Variants in NKAIN2 observed in about 807,000 individuals in gnomAD.
NKAIN2 encodes sodium/potassium transporting ATPase interacting 2.
In NKAIN2, 14 loss-of-function variants were observed where a neutral mutation model predicts 32.6. The ratio of observed to expected loss-of-function variants is 0.43; its 90% CI spans 0.28 to 0.67. NKAIN2 has a LOEUF of 0.67. Ranked by LOEUF, NKAIN2 falls within the 30% of genes least tolerant of loss-of-function variation. NKAIN2 has a pLI of 0.17. For synonymous variants in NKAIN2, 80 were observed against 87.2 expected, an observed-to-expected ratio of 0.92 and a Z score of 0.46; for missense variants, 198 against 258.3, an observed-to-expected ratio of 0.77 and a Z score of 1.60.
intron 3 of NKAIN2, among the ~76,000 whole-genome samples, chr6:124,457,754 G>A (rs889245912): frequency 6.6e-6 from 1 of 151,890 alleles, no homozygotes; most frequent in Admixed American, 6.6e-5. Flanking sequence ...CATTCAAAGT[G>A]TTATTACTTC....
intron 2 of NKAIN2, among the ~76,000 whole-genome samples, chr6:124,328,729 C>T (rs962491358): frequency 2.6e-5 from 4 of 152,112 alleles, no homozygotes; most frequent in East Asian, 3.9e-4. Context: ...GGTAAGCAGG[C>T]GTTTGTACTC....
intron 1 of NKAIN2, among the ~76,000 whole-genome samples, chr6:124,078,236 T>C (rs1022037333): frequency 1.3e-5 from 2 of 152,206 alleles, no homozygotes; most frequent in Non-Finnish European, 2.9e-5. Context: ...ATGAATGGAC[T>C]ATTCTTTGTA....
intron 1 of NKAIN2, among the ~76,000 whole-genome samples, chr6:124,208,866 G>A (rs568652669): frequency 3.3e-5 from 5 of 151,302 alleles, no homozygotes; most frequent in Admixed American, 2.7e-4. Flanking sequence ...TATTTATGGG[G>A]TATATATGAT....
intron 2 of NKAIN2, among the ~76,000 whole-genome samples, chr6:124,341,891 G>A (rs1035406486): frequency 6.6e-6 from 1 of 152,136 alleles, no homozygotes; most frequent in Non-Finnish European, 1.5e-5. Context: ...TGGTCCTAAA[G>A]GAAATAAGTT....
chr6:124,385,194 A>G (rs1425477167), intron 3 of NKAIN2, among the ~76,000 whole-genome samples: 2 of 152,162 alleles, frequency 1.3e-5, no homozygotes, highest in African/African-American at 4.8e-5. Flanking sequence ...GCCAGCTATG[A>G]GGTATAAAAA....
intron 2 of NKAIN2, among the ~76,000 whole-genome samples, chr6:124,307,559 CAAT>C (rs1796556415): frequency 6.6e-6 from 1 of 152,050 alleles, no homozygotes; most frequent in Non-Finnish European, 1.5e-5. Flanking sequence ...AGCTTACAAT[CAAT>C]AACCATGTGT....
intron 1 of NKAIN2, among the ~76,000 whole-genome samples, chr6:124,219,387 C>T (rs1791681014): frequency 6.6e-6 from 1 of 151,358 alleles, no homozygotes; most frequent in African/African-American, 2.4e-5. Context: ...AAGTGATTCT[C>T]CTGCCTCAGC....
chr6:123,866,276 A>G (rs1050904932), intron 1 of NKAIN2, among the ~76,000 whole-genome samples: 2 of 152,076 alleles, frequency 1.3e-5, no homozygotes, highest in African/African-American at 2.4e-5. Context: ...CCTGTCTCCT[A>G]TCCTTGACAG....
chr6:123,911,813 A>ATGTGTATATATATATATATATG (rs1775216919), intron 1 of NKAIN2, among the ~76,000 whole-genome samples: 1 of 27,104 alleles, frequency 3.7e-5, no homozygotes. Flanking sequence ...ATATATATAT[A>ATGTGTATATATATATATATATG]CACACACACA....
intron 2 of NKAIN2, among the ~76,000 whole-genome samples, chr6:124,350,715 T>C (rs2115126575): frequency 6.6e-6 from 1 of 152,352 alleles, no homozygotes; most frequent in African/African-American, 2.4e-5. Flanking sequence ...AATGCAAGGA[T>C]ATGAAAGGAA....
chr6:124,331,804 C>T (rs1234656947), intron 2 of NKAIN2, among the ~76,000 whole-genome samples: 3 of 152,008 alleles, frequency 2.0e-5, no homozygotes, highest in Non-Finnish European at 4.4e-5. Flanking sequence ...ATTCTAAATA[C>T]CTGTGCATAG....
chr6:123,980,613 C>G (rs1018603590), intron 1 of NKAIN2, among the ~76,000 whole-genome samples: 1 of 152,154 alleles, frequency 6.6e-6, no homozygotes, highest in African/African-American at 2.4e-5. Flanking sequence ...AGAAGGCATT[C>G]TGTGATTCAG....
chr6:124,726,431 C>T (rs1216334741), intron 4 of NKAIN2, among the ~76,000 whole-genome samples: 16 of 151,904 alleles, frequency 1.1e-4, no homozygotes, highest in South Asian at 4.2e-4. Context: ...CTGGGAGGCA[C>T]CCCCCAGCAG....
intron 3 of NKAIN2, among the ~76,000 whole-genome samples, chr6:124,575,468 C>T (rs1483206473): frequency 6.6e-6 from 1 of 152,224 alleles, no homozygotes; most frequent in African/African-American, 2.4e-5. Context: ...GGTGTTTGGC[C>T]TTCTGAAACC....
At position 124,149,784 on chromosome 6, in the gene NKAIN2, G is replaced by A. The variant is rs1005985917; in HGVS notation, c.55-133221G>A. Reference sequence around the variant, plus strand: ...GTCCTGCAGACCCTGGCTGATGGACGAAATGAGTACTCAGACACAGGTATG... The same window carrying A: ...GTCCTGCAGACCCTGGCTGATGGACAAAATGAGTACTCAGACACAGGTATG... On this transcript the variant is annotated intron_variant, in intron 1 of 6. Coordinates refer to ENST00000368417, the MANE Select transcript of NKAIN2 (RefSeq NM_001040214.3). Among the ~76,000 whole-genome samples the A allele has an allele frequency of 5.3e-5, 8 of 152,122 alleles. No individual in the cohort carries two copies. In the South Asian group the frequency reaches 1.2e-3, roughly 24 times the overall value.
At chr6:123,833,691 CTGTGTGTGTGTG>C (rs59906355) in intron 1 of NKAIN2, among the ~76,000 whole-genome samples, 7 of 129,570 alleles carry the variant, frequency 5.4e-5, no homozygotes, top group East Asian at 4.5e-4. Flanking sequence ...ATTTTTTTTC[CTGTGTGTGTGTG>C]TGTGTGTGTG....
chr6:123,832,542 A>C (rs1562207080), intron 1 of NKAIN2, among the ~76,000 whole-genome samples: 1 of 152,146 alleles, frequency 6.6e-6, no homozygotes, highest in East Asian at 1.9e-4. Flanking sequence ...TTTGTAAGAA[A>C]CCGCTAAACT....
At chr6:124,432,407 C>A (rs1775257816) in intron 3 of NKAIN2, among the ~76,000 whole-genome samples, 1 of 152,108 alleles carries the variant, frequency 6.6e-6, no homozygotes, top group Non-Finnish European at 1.5e-5. Context: ...CATGTTAAAT[C>A]TTAGGTAGTA....
intron 3 of NKAIN2, among the ~76,000 whole-genome samples, chr6:124,612,202 A>T (rs1583518696): frequency 6.6e-6 from 1 of 152,100 alleles, no homozygotes; most frequent in East Asian, 1.9e-4. Context: ...ATAGAAAAAA[A>T]TCTTAAATAC....
Sources: gnomAD v4.1 joint callset for allele counts (sites outside exome capture counted in the v4.1 genomes callset) on GRCh38, gnomAD v4.1.1 for gene constraint, MANE v1.5 for transcripts, NCBI Gene and HGNC (gene_info 2026-07-23, HGNC 2026-07-21) for gene names.